The following RNF152 variants were observed in gnomAD, a reference collection of about 807,000 sequenced individuals.
The protein encoded by RNF152 is E3 ubiquitin-protein ligase RNF152.
Under a neutral mutation model 12.7 loss-of-function variants are expected in RNF152, and 11 were observed. The ratio of observed to expected loss-of-function variants is 0.86; its 90% CI spans 0.54 to 1.43. The LOEUF is 1.43. Ranked by LOEUF, RNF152 falls within the 40% of genes most tolerant of loss-of-function variation. RNF152 has a pLI of 0.00. For synonymous variants in RNF152, 113 were observed against 120.3 expected, an observed-to-expected ratio of 0.94 and a Z score of 0.40; for missense variants, 255 against 274.8, an observed-to-expected ratio of 0.93 and a Z score of 0.51.
intron 1 of RNF152, among the ~76,000 whole-genome samples, chr18:61,817,707 G>T (rs995836185): frequency 6.6e-6 from 1 of 150,564 alleles, no homozygotes; most frequent in Admixed American, 6.6e-5. Flanking sequence ...TATAGTTAAA[G>T]GTTGACAGGG....
chr18:61,887,949 C>T (rs1488599080), intron 1 of RNF152: 1 of 152,186 alleles, frequency 6.6e-6, no homozygotes, highest in African/African-American at 2.4e-5. Context: ...GGAGATTCTA[C>T]TTCCTCATAA....
Position 61,809,726 on chromosome 18 carries a change from TATC to T in RNF152, c.*6123_*6125del, listed in dbSNP as rs1305667614. 2 of 152,048 alleles carry T rather than the reference TATC, an allele frequency of 1.3e-5. No individual in the cohort carries two copies. 9.4% of individuals were successfully genotyped at this position (152,048 alleles called of 1,614,324 possible). A position where few individuals can be genotyped will look rare whatever the true frequency, so the allele number is the denominator to read the frequency against. On this transcript the variant is annotated 3_prime_UTR_variant, in exon 2 of 2. Transcript: ENST00000312828. ...AAATATTACTGATTGTCCCTAAAAATATCATAGTATGAATAATATAAAAAACCT... is the reference window on the plus strand; with the variant it reads ...AAATATTACTGATTGTCCCTAAAAATATAGTATGAATAATATAAAAAACCT...
At chr18:61,891,582 AC>A (rs1912963106) in intron 1 of RNF152, among the ~76,000 whole-genome samples, 1 of 152,154 alleles carries the variant, frequency 6.6e-6, no homozygotes, top group Non-Finnish European at 1.5e-5. Context: ...CTATCTTAGC[AC>A]CACATTACTC....
chr18:61,876,541 C>T (rs1295991069), intron 1 of RNF152, among the ~76,000 whole-genome samples: 1 of 152,204 alleles, frequency 6.6e-6, no homozygotes, highest in Non-Finnish European at 1.5e-5. Context: ...CAGGAGATCT[C>T]AGAGAAAGCA....
chr18:61,866,921 G>T (rs1011909286), intron 1 of RNF152, among the ~76,000 whole-genome samples: 3 of 152,212 alleles, frequency 2.0e-5, no homozygotes, highest in African/African-American at 7.2e-5. Context: ...AGACTTAGGG[G>T]CTTGTCCCAA....
chr18:61,840,839 G>A (rs1415058031), intron 1 of RNF152, among the ~76,000 whole-genome samples: 1 of 152,152 alleles, frequency 6.6e-6, no homozygotes, highest in Non-Finnish European at 1.5e-5. Context: ...AAGTGACAAG[G>A]TCTGTTCTCT....
chr18:61,877,760 T>G (rs1912278590), intron 1 of RNF152, among the ~76,000 whole-genome samples: 1 of 152,132 alleles, frequency 6.6e-6, no homozygotes, highest in African/African-American at 2.4e-5. Context: ...ATCTGTCCCT[T>G]TTTTTGTGTT....
At chr18:61,860,431 T>C (rs1041455450) in intron 1 of RNF152, among the ~76,000 whole-genome samples, 2 of 152,240 alleles carry the variant, frequency 1.3e-5, no homozygotes, top group Non-Finnish European at 2.9e-5. Flanking sequence ...CATAAGATTA[T>C]AATGGAGCTG....
At chr18:61,863,299 G>C (rs1911571407) in intron 1 of RNF152, among the ~76,000 whole-genome samples, 1 of 152,046 alleles carries the variant, frequency 6.6e-6, no homozygotes, top group African/African-American at 2.4e-5. Context: ...GCCAGGCGTG[G>C]TGACACACGC....
At chr18:61,855,420 G>A (rs1304951985) in intron 1 of RNF152, among the ~76,000 whole-genome samples, 3 of 152,244 alleles carry the variant, frequency 2.0e-5, no homozygotes, top group African/African-American at 7.2e-5. Flanking sequence ...CCAGGACTGT[G>A]CGTTCCATAG....
chr18:61,892,056 C>A (rs923392330), intron 1 of RNF152, among the ~76,000 whole-genome samples: 1 of 152,178 alleles, frequency 6.6e-6, no homozygotes, highest in Non-Finnish European at 1.5e-5. Context: ...ATCAAGATAA[C>A]CCCAGATCTG....
At chr18:61,879,656 G>A (rs1264748899) in intron 1 of RNF152, among the ~76,000 whole-genome samples, 1 of 152,020 alleles carries the variant, frequency 6.6e-6, no homozygotes, top group East Asian at 1.9e-4. Context: ...AACTAGAGAG[G>A]GAGGATTGTA....
intron 1 of RNF152, among the ~76,000 whole-genome samples, chr18:61,857,127 G>A (rs1237189561): frequency 1.3e-5 from 2 of 152,152 alleles, no homozygotes; most frequent in Admixed American, 1.3e-4. Flanking sequence ...TTTTTACTTT[G>A]TGCTGATAAT....
rs749820527 is a variant in RNF152, at chr18:61,815,885, A to G, written c.579T>C (p.Ile193=). ...LGIVLHNMSC[I]SKRFTVISCG ...AGGATATCACAGTGAAGCGCTTAGA[A>G]ATGCAAGACATGTTGTGAAGCACGA... The change falls in exon 2 of 2, where the codon ATT becomes ATC. Residue 193 remains isoleucine, a synonymous_variant. Transcript: ENST00000312828. 19 of 1,614,056 alleles carry G rather than the reference A, an allele frequency of 1.2e-5. No homozygotes were observed. In the Admixed American group the frequency reaches 2.0e-4, roughly 17 times the overall value.
chr18:61,817,516 C>T (rs533638542), intron 1 of RNF152, among the ~76,000 whole-genome samples: 13 of 152,218 alleles, frequency 8.5e-5, no homozygotes, highest in South Asian at 2.1e-4. Flanking sequence ...AAAAATACAG[C>T]GTTCTCAGGA....
At chr18:61,870,378 T>C (rs1304874651) in intron 1 of RNF152, among the ~76,000 whole-genome samples, 4 of 152,162 alleles carry the variant, frequency 2.6e-5, no homozygotes, top group African/African-American at 9.7e-5. Context: ...CCTGTCCTCA[T>C]CTCCCACGTG....
At chr18:61,833,016 C>T (rs1910019833) in intron 1 of RNF152, among the ~76,000 whole-genome samples, 4 of 152,196 alleles carry the variant, frequency 2.6e-5, no homozygotes, top group Admixed American at 1.3e-4. Flanking sequence ...GTAAGGCATA[C>T]ATTAATTCAG....
chr18:61,861,579 T>C (rs1911484693), intron 1 of RNF152, among the ~76,000 whole-genome samples: 1 of 152,226 alleles, frequency 6.6e-6, no homozygotes, highest in Non-Finnish European at 1.5e-5. Context: ...ACGCTTAGTG[T>C]CTTAGTCCAT....
At chr18:61,860,223 T>C (rs1911406306) in intron 1 of RNF152, among the ~76,000 whole-genome samples, 1 of 152,140 alleles carries the variant, frequency 6.6e-6, no homozygotes, top group Non-Finnish European at 1.5e-5. Context: ...CCTCCAAAAA[T>C]GTGACAGAGT....
Sources: gnomAD v4.1 joint callset for allele counts (sites outside exome capture counted in the v4.1 genomes callset) on GRCh38, gnomAD v4.1.1 for gene constraint, MANE v1.5 for transcripts, NCBI Gene and HGNC (gene_info 2026-07-23, HGNC 2026-07-21) for gene names.